The following DAB1 variants were observed in gnomAD, a reference collection of about 807,000 sequenced individuals.
The protein encoded by DAB1 is DAB adaptor protein 1, also known as disabled homolog 1.
In DAB1, 15 loss-of-function variants were observed where a neutral mutation model predicts 64.6. The ratio of observed to expected loss-of-function variants is 0.23; its 90% CI spans 0.16 to 0.36. The LOEUF is 0.36. Ranked by LOEUF, DAB1 falls within the 10% of genes least tolerant of loss-of-function variation. The probability of loss-of-function intolerance (pLI) is 1.00; values close to 1 mark genes in which losing one functional copy is unlikely to be tolerated. For synonymous variants in DAB1, 235 were observed against 251.9 expected (o/e 0.93, Z 0.64); for missense variants, 596 against 706.7 (o/e 0.84, Z 1.78).
At chr1:58,504,502 T>C (rs1038469135) in intron 3 of DAB1, among the ~76,000 whole-genome samples, 16 of 152,108 alleles carry the variant, frequency 1.1e-4, no homozygotes, top group Admixed American at 7.2e-4. Flanking sequence ...CTCTAATACC[T>C]TTAATCTGCT....
chr1:57,855,720 G>T (rs1230821602), intron 1 of DAB1, among the ~76,000 whole-genome samples: 1 of 152,166 alleles, frequency 6.6e-6, no homozygotes, highest in Non-Finnish European at 1.5e-5. Flanking sequence ...GTAGGTGGAA[G>T]CCAGACCATG....
chr1:57,534,936 T>A (rs1350117699), intron 7 of DAB1, among the ~76,000 whole-genome samples: 1 of 152,158 alleles, frequency 6.6e-6, no homozygotes, highest in Non-Finnish European at 1.5e-5. Context: ...TACAGAGTCT[T>A]CTTAATTTCT....
chr1:58,445,534 A>G (rs1390760873), intron 3 of DAB1, among the ~76,000 whole-genome samples: 2 of 152,130 alleles, frequency 1.3e-5, no homozygotes, highest in Non-Finnish European at 2.9e-5. Flanking sequence ...AAGCATCTCA[A>G]TGGCTCCCCT....
intron 7 of DAB1, among the ~76,000 whole-genome samples, chr1:57,441,062 C>T (rs1285203355): frequency 6.6e-6 from 1 of 151,536 alleles, no homozygotes; most frequent in Non-Finnish European, 1.5e-5. Flanking sequence ...CTATTGTTCC[C>T]ATAAAGACAA....
At chr1:57,942,900 T>C (rs1368046602) in intron 5 of DAB1, among the ~76,000 whole-genome samples, 1 of 152,234 alleles carries the variant, frequency 6.6e-6, no homozygotes, top group African/African-American at 2.4e-5. Context: ...TATTAAGCTA[T>C]ATACACCTTG....
At chr1:57,288,530 C>T (rs1266827292) in intron 2 of DAB1, among the ~76,000 whole-genome samples, 1 of 152,102 alleles carries the variant, frequency 6.6e-6, no homozygotes, top group Non-Finnish European at 1.5e-5. Context: ...CACGTGAGGA[C>T]ATGGTGAGAA....
chr1:58,181,070 T>G (rs1218181416), intron 4 of DAB1, among the ~76,000 whole-genome samples: 1 of 152,176 alleles, frequency 6.6e-6, no homozygotes, highest in African/African-American at 2.4e-5. Flanking sequence ...AGTATGATAT[T>G]GAGATCTCCA....
intron 2 of DAB1, among the ~76,000 whole-genome samples, chr1:57,201,869 T>C (rs928231692): frequency 2.6e-5 from 4 of 151,946 alleles, no homozygotes; most frequent in African/African-American, 9.7e-5. Context: ...AGATGAAGGA[T>C]GAATGAATAA....
Position 57,136,561 on chromosome 1 carries a change from G to A in DAB1, c.288C>T (p.Ile96=), listed in dbSNP as rs1382929097. 6.7e-7 allele frequency: 1 copy of A among 1,502,126 alleles called. No homozygotes were observed. Among genetic ancestry groups the A allele is most frequent in the Non-Finnish European group, 9.0e-7 (1 of 1,106,476 alleles). 93.0% of individuals were successfully genotyped at this position (1,502,126 alleles called of 1,614,324 possible). Residue 96 remains isoleucine (I), a synonymous_variant, in exon 4 of 15, where the codon ATC becomes ATT. Coordinates refer to ENST00000371236, the MANE Select transcript of DAB1 (RefSeq NM_001365792.1). ...FLTISFGGIK[I]FDEKTGALQH... ...TACTTACCCCTGTCTTCTCATCAAA[G>A]ATTTTGATTCCTCCAAAGGAGATGG... is the stretch of plus-strand genomic sequence containing the variant.
At chr1:57,486,748 G>A (rs2101260009) in intron 7 of DAB1, among the ~76,000 whole-genome samples, 1 of 152,214 alleles carries the variant, frequency 6.6e-6, no homozygotes, top group South Asian at 2.1e-4. Context: ...AAAAGGAGAT[G>A]CAGAGGAGAA....
chr1:58,546,361 C>A (rs551272382), intron 1 of DAB1, among the ~76,000 whole-genome samples: 1 of 152,272 alleles, frequency 6.6e-6, no homozygotes, highest in African/African-American at 2.4e-5. Context: ...CGGATAAGGG[C>A]GGGCTGAGGG....
chr1:58,194,651 A>G (rs1003602597), intron 4 of DAB1, among the ~76,000 whole-genome samples: 2 of 152,226 alleles, frequency 1.3e-5, no homozygotes, highest in African/African-American at 4.8e-5. Flanking sequence ...ACTGCTGACT[A>G]ACCCTTTCTG....
chr1:58,338,222 T>G (rs905175566), intron 4 of DAB1, among the ~76,000 whole-genome samples: 5 of 152,130 alleles, frequency 3.3e-5, no homozygotes, highest in African/African-American at 1.2e-4. Context: ...TTTTCTCAGC[T>G]GCGTGAGAGG....
At chr1:58,206,678 T>A (rs951980545) in intron 4 of DAB1, among the ~76,000 whole-genome samples, 2 of 152,172 alleles carry the variant, frequency 1.3e-5, no homozygotes, top group African/African-American at 4.8e-5. Context: ...CTTCCAGATA[T>A]AGAGTAGGTA....
intron 5 of DAB1, among the ~76,000 whole-genome samples, chr1:57,891,814 G>A (rs745747670): frequency 1.3e-5 from 2 of 152,092 alleles, no homozygotes; most frequent in Non-Finnish European, 2.9e-5. Context: ...ATGGACACAG[G>A]GAGGGGAACA....
intron 6 of DAB1, among the ~76,000 whole-genome samples, chr1:57,716,824 C>T (rs1308458226): frequency 6.6e-5 from 10 of 152,178 alleles, no homozygotes; most frequent in African/African-American, 2.2e-4. Flanking sequence ...AAAGTATCTG[C>T]AAGCTATATG....
chr1:57,810,531 C>A (rs1247086022), intron 6 of DAB1, among the ~76,000 whole-genome samples: 1 of 152,058 alleles, frequency 6.6e-6, no homozygotes, highest in Non-Finnish European at 1.5e-5. Flanking sequence ...TGTGAAGCAG[C>A]GAGGTACACT....
intron 3 of DAB1, among the ~76,000 whole-genome samples, chr1:58,362,778 T>C (rs1251100243): frequency 6.6e-6 from 1 of 152,178 alleles, no homozygotes; most frequent in Non-Finnish European, 1.5e-5. Flanking sequence ...CATTTGCCAG[T>C]GAGAAAACTG....
At chr1:58,072,903 G>C (rs1478409573) in intron 5 of DAB1, among the ~76,000 whole-genome samples, 2 of 152,186 alleles carry the variant, frequency 1.3e-5, no homozygotes, top group Non-Finnish European at 2.9e-5. Context: ...ATAAGTGTGT[G>C]TGTCCACAAC....
Sources: gnomAD v4.1 joint callset for allele counts (sites outside exome capture counted in the v4.1 genomes callset) on GRCh38, gnomAD v4.1.1 for gene constraint, MANE v1.5 for transcripts, NCBI Gene and HGNC (gene_info 2026-07-23, HGNC 2026-07-21) for gene names.